Variants in ZKSCAN3 observed in about 807,000 individuals in gnomAD.
The protein encoded by ZKSCAN3 is zinc finger with KRAB and SCAN domains 3, also known as zinc finger protein with KRAB and SCAN domains 3.
Under a neutral mutation model 30.7 loss-of-function variants are expected in ZKSCAN3, and 21 were observed. The observed-to-expected ratio is 0.68, with a 90% CI of 0.49 to 0.99. ZKSCAN3 has a LOEUF of 0.99. Ranked by LOEUF, ZKSCAN3 falls within the 50% of genes least tolerant of loss-of-function variation. The probability of loss-of-function intolerance (pLI) is 0.00; values close to 1 mark genes in which losing one functional copy is unlikely to be tolerated. For missense variants in ZKSCAN3, 507 were observed against 647.1 expected (o/e 0.78, Z 2.35); for synonymous variants, 201 against 246.7 (o/e 0.81, Z 1.73).
intron 1 of ZKSCAN3, among the ~76,000 whole-genome samples, chr6:28,352,465 C>G (rs1561929012): frequency 6.6e-6 from 1 of 152,130 alleles, no homozygotes; most frequent in Non-Finnish European, 1.5e-5. Context: ...ATGGGCCAGG[C>G]TGTTCTTGAA....
At position 28,361,340 on chromosome 6, in the gene ZKSCAN3, A is replaced by C. The variant is rs1180640603; in HGVS notation, c.419A>C (p.Gln140Pro). ...GATTTCTAGGTTTCAGGTGTTGACC[A>C]GGGGCAAGAACTGCTCTGTTGCAAG... The part of the protein sequence containing the change: ...EPAPQVSGVD[Q>P]GQELLCCKMA... The change falls in exon 3 of 6, where the codon CAG becomes CCG. Residue 140 changes from glutamine (Q) to proline (P), a missense_variant. By Grantham distance (76) the Gln-to-Pro change is moderately conservative. Coordinates refer to ENST00000252211, the MANE Select transcript of ZKSCAN3 (RefSeq NM_024493.4). The C allele has an allele frequency of 1.9e-6, 3 of 1,612,214 alleles. No homozygotes were observed. Among genetic ancestry groups the C allele is most frequent in the Non-Finnish European group, 2.5e-6 (3 of 1,179,616 alleles).
In ZKSCAN3 at chr6:28,363,419, C is replaced by G. The variant is rs1178190488; in HGVS notation, c.633+34C>G. ...GAGCCCTATCCCTCCCCCAATGCCC[C>G]TCACTACTATTGAGCTTCCTGTGAA... On this transcript the variant is annotated intron_variant, in intron 4 of 5. Transcript: ENST00000252211. The G allele has an allele frequency of 3.1e-6, 5 of 1,595,502 alleles. 1 individual carries two copies. The Admixed American group carries it at 8.4e-5, about 27-fold the overall frequency.
At chr6:28,360,737 A>G in intron 2 of ZKSCAN3, 1 of 985,448 alleles carries the variant, frequency 1.0e-6, no homozygotes, top group East Asian at 1.1e-4. Flanking sequence ...GGCCTGTAAC[A>G]GTGGAAAGTC....
intron 1 of ZKSCAN3, among the ~76,000 whole-genome samples, chr6:28,354,418 G>C (rs563019049): frequency 6.6e-6 from 1 of 152,332 alleles, no homozygotes; most frequent in Non-Finnish European, 1.5e-5. Flanking sequence ...GGCCGAGGGA[G>C]ACATAGGTTT....
rs530078035 is a variant in ZKSCAN3 at position 28,362,902 on chromosome 6, C to T, written c.551-401C>T. The stretch of plus-strand genomic sequence containing the variant: ...TTTTCCTCCTATCTCTAGCAAAATT[C>T]AAAGGATCTTCAGATGGAAAGCTTT... On this transcript the variant is annotated intron_variant, in intron 3 of 5. Transcript: ENST00000252211. Among the ~76,000 whole-genome samples, 18 of 152,316 alleles carry T rather than the reference C, an allele frequency of 1.2e-4. No individual in the cohort carries two copies. The South Asian group carries it at 3.5e-3, about 30-fold the overall frequency.
intron 1 of ZKSCAN3, chr6:28,355,241 A>G (rs1204129972): frequency 6.6e-6 from 1 of 152,130 alleles, no homozygotes; most frequent in Non-Finnish European, 1.5e-5. Flanking sequence ...TGCTGTTCCA[A>G]GTAGGCTTAA....
At chr6:28,352,907 G>C (rs1367019265) in intron 1 of ZKSCAN3, among the ~76,000 whole-genome samples, 1 of 151,780 alleles carries the variant, frequency 6.6e-6, no homozygotes, top group Non-Finnish European at 1.5e-5. Context: ...CACGGACTTG[G>C]AATTGTTTTT....
In ZKSCAN3 at chr6:28,351,103, T is replaced by C. The variant is rs1028425244; in HGVS notation, c.-63+1036T>C. 3.3e-5 allele frequency among the ~76,000 whole-genome samples: 5 copies of C among 152,186 alleles called. No individual in the cohort carries two copies. The highest frequency in any genetic ancestry group is 1.2e-4 in the African/African-American group (5 of 41,444). Reference sequence around the variant, plus strand: ...GTTAGCTCTTTCATAGACTTGTAACTCTTTTCTGTTAATGAGAAACTTTCC... The same window carrying C: ...GTTAGCTCTTTCATAGACTTGTAACCCTTTTCTGTTAATGAGAAACTTTCC... On this transcript the variant is annotated intron_variant, in intron 1 of 5. Coordinates refer to ENST00000252211, the MANE Select transcript of ZKSCAN3 (RefSeq NM_024493.4). The surrounding 1 kb of genome is among the most constrained non-coding windows in gnomAD (Gnocchi z 4.6).
chr6:28,363,099 A>C (rs1034539245), intron 3 of ZKSCAN3, among the ~76,000 whole-genome samples: 1 of 152,136 alleles, frequency 6.6e-6, no homozygotes, highest in Admixed American at 6.5e-5. Context: ...TTTGGCAGGA[A>C]TTTATTTATT....
At chr6:28,361,545 T>A (rs1280330563) in intron 3 of ZKSCAN3, 74 bp downstream of exon 3, 2 of 1,520,746 alleles carry the variant, frequency 1.3e-6, no homozygotes, top group Non-Finnish European at 1.8e-6. Context: ...CCAACAAAAT[T>A]CATTGATAGG....
At chr6:28,352,610 T>C (rs553934111) in intron 1 of ZKSCAN3, among the ~76,000 whole-genome samples, 9 of 152,360 alleles carry the variant, frequency 5.9e-5, no homozygotes, top group Admixed American at 5.2e-4. Context: ...GTGATTCTAA[T>C]ATGTAACAAA....
chr6:28,351,398 G>C lies in ZKSCAN3; in HGVS notation c.-63+1331G>C, dbSNP rs575865828. Among the ~76,000 whole-genome samples the C allele has an allele frequency of 3.9e-5, 6 of 152,050 alleles. No individual in the cohort carries two copies. The highest frequency in any genetic ancestry group is 7.4e-5 in the Non-Finnish European group (5 of 68,020). Reference sequence around the variant, plus strand: ...CTGGGTTGGGCTGTGGCTCTCTCTCGCCTTCCTTGACCCTACCTTAATGCT... The same window carrying C: ...CTGGGTTGGGCTGTGGCTCTCTCTCCCCTTCCTTGACCCTACCTTAATGCT... On this transcript the variant is annotated intron_variant, in intron 1 of 5. Coordinates refer to ENST00000252211, the MANE Select transcript of ZKSCAN3 (RefSeq NM_024493.4). This position sits in a 1 kb window ranked among gnomAD's most constrained non-coding sequence, Gnocchi z 4.6.
At chr6:28,358,700 A>G (rs1341231483) in intron 1 of ZKSCAN3, among the ~76,000 whole-genome samples, 1 of 152,052 alleles carries the variant, frequency 6.6e-6, no homozygotes, top group Non-Finnish European at 1.5e-5. Context: ...CCTGGCCAAC[A>G]TGGTGAAACC....
chr6:28,368,219 C>G lies in ZKSCAN3; in HGVS notation c.*1934C>G, dbSNP rs1321117640. 1 of 152,146 alleles carries G rather than the reference C, an allele frequency of 6.6e-6. No homozygotes were observed. Among genetic ancestry groups the G allele is most frequent in the East Asian group, 1.9e-4 (1 of 5,192 alleles). The allele number at this position is 152,146 out of a possible 1,614,324, so 9.4% of individuals were successfully genotyped here. ...CAGGATGCTCTCGATCTCCTGACCT[C>G]GTGATCCACCTGTCTCGGCCTCCCA... On this transcript the variant is annotated 3_prime_UTR_variant, in exon 6 of 6. Transcript: ENST00000252211.
intron 1 of ZKSCAN3, among the ~76,000 whole-genome samples, chr6:28,354,917 C>A (rs114485618): frequency 6.6e-6 from 1 of 152,218 alleles, no homozygotes; most frequent in Non-Finnish European, 1.5e-5. Flanking sequence ...GTGCAGATTA[C>A]GTGTCACCTT....
intron 1 of ZKSCAN3, among the ~76,000 whole-genome samples, chr6:28,359,218 G>A (rs1489943370): frequency 6.6e-6 from 1 of 152,118 alleles, no homozygotes; most frequent in Admixed American, 6.5e-5. Flanking sequence ...TTGGTAATGG[G>A]ATAACTCTGA....
At chr6:28,358,610 G>C (rs760549881) in intron 1 of ZKSCAN3, among the ~76,000 whole-genome samples, 2 of 152,186 alleles carry the variant, frequency 1.3e-5, no homozygotes, top group African/African-American at 2.4e-5. Flanking sequence ...AATCTGGGCT[G>C]CGCGCAGTGG....
Position 28,366,075 on chromosome 6 carries a change from C to T in ZKSCAN3, c.1407C>T (p.Ser469=), listed in dbSNP as rs961057960. 15 of 1,607,532 alleles carry T rather than the reference C, an allele frequency of 9.3e-6. No homozygotes were observed. The highest frequency in any genetic ancestry group is 2.2e-5 in the South Asian group (2 of 90,100). Reference sequence around the variant, plus strand: ...AGGCCTGGAAAAGTAGGATGGAAAGCCAGTTGGAAAATGTTGAAACTCCCA... The same window carrying T: ...AGGCCTGGAAAAGTAGGATGGAAAGTCAGTTGGAAAATGTTGAAACTCCCA... ...QGEAWKSRME[S]QLENVETPMS... The change falls in exon 6 of 6, where the codon AGC becomes AGT. Residue 469 remains serine, a synonymous_variant. Transcript: ENST00000252211.
intron 3 of ZKSCAN3, among the ~76,000 whole-genome samples, chr6:28,362,267 C>T (rs74796044): frequency 0.024 from 3,631 of 152,256 alleles, 80 homozygotes; most frequent in African/African-American, 0.065. Flanking sequence ...TAATACAATT[C>T]GTATGACAGT....
Sources: gnomAD v4.1 joint callset for allele counts (sites outside exome capture counted in the v4.1 genomes callset) on GRCh38, gnomAD v4.1.1 for gene constraint, Gnocchi (gnomAD v3.1) non-coding constraint, MANE v1.5 for transcripts, NCBI Gene and HGNC (gene_info 2026-07-23, HGNC 2026-07-21) for gene names.